LRRTM4: variants seen among roughly 807,000 people sequenced by gnomAD.
The protein encoded by LRRTM4 is leucine rich repeat transmembrane neuronal 4, also known as leucine-rich repeat transmembrane neuronal protein 4.
A neutral mutation model predicts 47.6 loss-of-function variants in LRRTM4; 25 were observed. The observed-to-expected ratio is 0.53, with a 90% CI of 0.38 to 0.73. LRRTM4 has a LOEUF of 0.73. Ranked by LOEUF, LRRTM4 falls within the 30% of genes least tolerant of loss-of-function variation. The probability of loss-of-function intolerance (pLI) is 0.00; values close to 1 mark genes in which losing one functional copy is unlikely to be tolerated. For missense variants in LRRTM4, 638 were observed against 713.4 expected, an observed-to-expected ratio of 0.89 and a Z score of 1.20; for synonymous variants, 311 against 269.5, an observed-to-expected ratio of 1.15 and a Z score of -1.51.
chr2:76,848,839 A>G (rs1041923355), intron 3 of LRRTM4, among the ~76,000 whole-genome samples: 3 of 152,152 alleles, frequency 2.0e-5, no homozygotes, highest in Non-Finnish European at 4.4e-5. Context: ...TTTACATGTT[A>G]ATAGATGCTT....
At chr2:77,056,643 A>C (rs1260018911) in intron 3 of LRRTM4, among the ~76,000 whole-genome samples, 5 of 152,236 alleles carry the variant, frequency 3.3e-5, no homozygotes, top group Non-Finnish European at 7.3e-5. Context: ...CATTCCCTGA[A>C]TAAATATTGA....
chr2:77,218,667 C>T (rs939874176), intron 3 of LRRTM4, among the ~76,000 whole-genome samples: 14 of 152,088 alleles, frequency 9.2e-5, no homozygotes, highest in Admixed American at 2.0e-4. Flanking sequence ...AGACTATGAT[C>T]CTTCCTTGGT....
intron 3 of LRRTM4, among the ~76,000 whole-genome samples, chr2:77,051,554 A>G (rs1364455078): frequency 6.6e-6 from 1 of 152,176 alleles, no homozygotes; most frequent in Non-Finnish European, 1.5e-5. Context: ...AAATACATTA[A>G]TTCCACCAGT....
At chr2:77,271,342 G>A (rs1381316113) in intron 3 of LRRTM4, among the ~76,000 whole-genome samples, 1 of 152,178 alleles carries the variant, frequency 6.6e-6, no homozygotes, top group Non-Finnish European at 1.5e-5. Context: ...ACTGCAGAAG[G>A]TGGAACTAAA....
chr2:76,797,356 A>T (rs1452209508), intron 3 of LRRTM4, among the ~76,000 whole-genome samples: 2 of 152,108 alleles, frequency 1.3e-5, no homozygotes, highest in Non-Finnish European at 2.9e-5. Flanking sequence ...TTGCATATCC[A>T]GCCAAACTAA....
At chr2:77,003,322 TTATAA>T (rs1677506324) in intron 3 of LRRTM4, among the ~76,000 whole-genome samples, 1 of 152,120 alleles carries the variant, frequency 6.6e-6, no homozygotes, top group Non-Finnish European at 1.5e-5. Flanking sequence ...TATGTAGAGC[TTATAA>T]TATACTAGGA....
chr2:77,398,712 C>T (rs1391393222), intron 3 of LRRTM4, among the ~76,000 whole-genome samples: 1 of 151,584 alleles, frequency 6.6e-6, no homozygotes, highest in Admixed American at 6.6e-5. Context: ...TTAAGTATAC[C>T]CTGAGAATGA....
intron 3 of LRRTM4, among the ~76,000 whole-genome samples, chr2:76,960,394 T>C (rs1675816606): frequency 6.6e-6 from 1 of 151,682 alleles, no homozygotes. Context: ...AGCATTATAA[T>C]TATTACTAAA....
intron 3 of LRRTM4, among the ~76,000 whole-genome samples, chr2:76,992,728 C>T (rs992533681): frequency 6.6e-5 from 10 of 151,174 alleles, no homozygotes; most frequent in Non-Finnish European, 1.5e-4. Flanking sequence ...CAATGCTATT[C>T]CTATCAAAAT....
chr2:77,458,547 G>C (rs1330700666), intron 3 of LRRTM4, among the ~76,000 whole-genome samples: 6 of 151,990 alleles, frequency 3.9e-5, no homozygotes, highest in Admixed American at 2.6e-4. Flanking sequence ...TAAATCTGGG[G>C]AATAATGAAA....
intron 3 of LRRTM4, among the ~76,000 whole-genome samples, chr2:76,919,179 T>C (rs1374975030): frequency 6.6e-6 from 1 of 151,944 alleles, no homozygotes; most frequent in Non-Finnish European, 1.5e-5. Context: ...ATATTTTTGG[T>C]GGGGGGAGGT....
intron 3 of LRRTM4, among the ~76,000 whole-genome samples, chr2:77,042,128 A>G (rs550845039): frequency 7.9e-5 from 12 of 151,696 alleles, no homozygotes; most frequent in African/African-American, 2.9e-4. Context: ...ATGGTTTTAG[A>G]TAATAGTATT....
In LRRTM4 at chr2:77,112,160, T is replaced by G. The variant is rs569890035; in HGVS notation, c.1552-363244A>C. On this transcript the variant is annotated intron_variant, in intron 3 of 3. Transcript: ENST00000409884. Reference sequence around the variant, plus strand: ...CTAAGGCAACCAGGAGCCTTCTGACTAACCTCAAGATGTGATTAGATATCC... The same window carrying G: ...CTAAGGCAACCAGGAGCCTTCTGACGAACCTCAAGATGTGATTAGATATCC... Among the ~76,000 whole-genome samples, 5 of 152,342 alleles carry G rather than the reference T, an allele frequency of 3.3e-5. 1 individual carries two copies. The South Asian group carries it at 1.0e-3, about 32-fold the overall frequency.
chr2:76,925,792 G>A (rs113216872), intron 3 of LRRTM4, among the ~76,000 whole-genome samples: 1,598 of 152,174 alleles, frequency 0.011, 43 homozygotes, highest in African/African-American at 0.037. Flanking sequence ...TGGCAAAGTG[G>A]TTTTTTAGGA....
chr2:76,810,578 A>G (rs760052534), intron 3 of LRRTM4, among the ~76,000 whole-genome samples: 2 of 152,140 alleles, frequency 1.3e-5, no homozygotes, highest in Non-Finnish European at 2.9e-5. Flanking sequence ...AGGTTAATGA[A>G]TAAACAAAAA....
chr2:77,186,784 G>T (rs1673516306), intron 3 of LRRTM4, among the ~76,000 whole-genome samples: 1 of 151,944 alleles, frequency 6.6e-6, no homozygotes, highest in African/African-American at 2.4e-5. Context: ...ATAATAATTG[G>T]GGTCCAGCTA....
intron 3 of LRRTM4, among the ~76,000 whole-genome samples, chr2:77,045,452 A>T (rs1026701828): frequency 9.9e-5 from 15 of 151,916 alleles, no homozygotes; most frequent in Non-Finnish European, 1.3e-4. Context: ...GAGATATTTT[A>T]TGCCTAAAAC....
At chr2:77,157,519 AT>A (rs1165629255) in intron 3 of LRRTM4, among the ~76,000 whole-genome samples, 1 of 152,142 alleles carries the variant, frequency 6.6e-6, no homozygotes, top group African/African-American at 2.4e-5. Flanking sequence ...TGCTTATAAT[AT>A]TTGATAATTT....
At chr2:76,807,425 C>CATATATATATATACGT (rs70939835) in intron 3 of LRRTM4, among the ~76,000 whole-genome samples, 1 of 98,080 alleles carries the variant, frequency 1.0e-5, no homozygotes, top group Non-Finnish European at 1.9e-5. Flanking sequence ...TATATATATA[C>CATATATATATATACGT]ATATATATAT....
Sources: gnomAD v4.1 joint callset for allele counts (sites outside exome capture counted in the v4.1 genomes callset) on GRCh38, gnomAD v4.1.1 for gene constraint, MANE v1.5 for transcripts, NCBI Gene and HGNC (gene_info 2026-07-23, HGNC 2026-07-21) for gene names.